The following WDR3 variants were observed in gnomAD, a reference collection of about 807,000 sequenced individuals.
The protein encoded by WDR3 is WD repeat domain 3, also known as WD repeat-containing protein 3.
In WDR3, 81 loss-of-function variants were observed where a neutral mutation model predicts 123.7. The ratio of observed to expected loss-of-function variants is 0.65; its 90% confidence interval spans 0.55 to 0.79. The LOEUF is 0.79. Ranked by LOEUF, WDR3 falls within the 30% of genes least tolerant of loss-of-function variation. WDR3 has a pLI of 0.00. For synonymous variants in WDR3, 390 were observed against 388.8 expected (o/e 1.00, Z -0.04); for missense variants, 1,027 against 1,123.2 (o/e 0.91, Z 1.22).
At chr1:117,940,751 A>AAACAACAAC (rs1553204403) in intron 6 of WDR3, 76 bp from the exon 7 acceptor site, 3 of 1,311,390 alleles carry the variant, frequency 2.3e-6, no homozygotes, top group African/African-American at 1.5e-5. Context: ...AACAACAACA[A>AAACAACAAC]AACAACAACA....
At chr1:117,948,012 T>C (rs1651471140) in intron 12 of WDR3, among the ~76,000 whole-genome samples, 1 of 152,212 alleles carries the variant, frequency 6.6e-6, no homozygotes. Flanking sequence ...CCAATAACTA[T>C]AGAGGATCAT....
intron 10 of WDR3, 51 bp downstream of exon 10, chr1:117,942,595 A>G: frequency 2.0e-6 from 3 of 1,523,086 alleles, no homozygotes; most frequent in Non-Finnish European, 1.8e-6. Context: ...GCTACCAAGT[A>G]TTATTGGCTT....
chr1:117,942,194 T>C (rs957326424), intron 9 of WDR3, among the ~76,000 whole-genome samples: 1 of 152,252 alleles, frequency 6.6e-6, no homozygotes, highest in African/African-American at 2.4e-5. Flanking sequence ...TTATGGGCTA[T>C]TGCATTCAGA....
Position 117,952,391 on chromosome 1 carries a change from C to T in WDR3, c.1999C>T (p.His667Tyr), listed in dbSNP as rs759123393. The T allele has an allele frequency of 1.9e-6, 3 of 1,612,378 alleles. No individual in the cohort carries two copies. In the South Asian group the frequency reaches 3.3e-5, roughly 18 times the overall value. The stretch of plus-strand genomic sequence containing the variant: ...ACAGTGGGATGCAGACAAATTTGAA[C>T]ACATACAGACTCTGGAGGTAACCAC... ...IKQWDADKFE[H>Y]IQTLEGHHQE... Residue 667 changes from histidine to tyrosine, a missense_variant, in exon 18 of 27, where the codon CAC becomes TAC. Coordinates refer to ENST00000349139, the MANE Select transcript of WDR3 (RefSeq NM_006784.3).
At chr1:117,950,552 C>G (rs1271089033) in intron 15 of WDR3, among the ~76,000 whole-genome samples, 1 of 151,938 alleles carries the variant, frequency 6.6e-6, no homozygotes, top group Non-Finnish European at 1.5e-5. Context: ...GAAACAAATG[C>G]CCTGGAATCT....
At chr1:117,959,237 T>C in intron 26 of WDR3, 55 bp from the exon 27 acceptor site, 1 of 1,578,520 alleles carries the variant, frequency 6.3e-7, no homozygotes, top group Non-Finnish European at 8.6e-7. Flanking sequence ...CATACGCTGC[T>C]ATAATGAATT....
At chr1:117,938,390 T>C (rs1051982859) in intron 4 of WDR3, 90 bp from the exon 5 acceptor site, 17 of 1,039,490 alleles carry the variant, frequency 1.6e-5, no homozygotes, top group Non-Finnish European at 2.3e-5. Flanking sequence ...ATATGTTCCT[T>C]TTAAAGCAAC....
At position 117,938,381 on chromosome 1, in the gene WDR3, T is replaced by C. The variant is rs763677209; in HGVS notation, c.501-99T>C. On this transcript the variant is annotated intron_variant, in intron 4 of 26. Coordinates refer to ENST00000349139, the MANE Select transcript of WDR3 (RefSeq NM_006784.3). ...CGGAGCTTTAGACATTATTGAAGCA[T>C]ATGTTCCTTTTAAAGCAACAGTGAG... is the stretch of plus-strand genomic sequence containing the variant. 9.1e-6 allele frequency: 8 copies of C among 880,644 alleles called. No individual in the cohort carries two copies. In the South Asian group the frequency reaches 1.3e-4, roughly 14 times the overall value. 54.6% of individuals were successfully genotyped at this position (880,644 alleles called of 1,614,324 possible).
At position 117,944,532 on chromosome 1, in the gene WDR3, T is replaced by C. The variant is rs186252463; in HGVS notation, c.1328+906T>C. Reference sequence around the variant, plus strand: ...TATACAAATACTTTGTGTCACCACTTGGATGTCTAATTAAGCATTTCAAAC... The same window carrying C: ...TATACAAATACTTTGTGTCACCACTCGGATGTCTAATTAAGCATTTCAAAC... On this transcript the variant is annotated intron_variant, in intron 11 of 26. Coordinates refer to ENST00000349139, the MANE Select transcript of WDR3 (RefSeq NM_006784.3). Among the ~76,000 whole-genome samples, 54 of 152,328 alleles carry C rather than the reference T, an allele frequency of 3.5e-4. 1 individual carries two copies. Among genetic ancestry groups the C allele is most frequent in the Admixed American group, 7.8e-4 (12 of 15,298 alleles).
At position 117,959,519 on chromosome 1, in the gene WDR3, T is replaced by G; in HGVS notation, c.*72T>G. 4 of 1,418,786 alleles carry G rather than the reference T, an allele frequency of 2.8e-6. No homozygotes were observed. Among genetic ancestry groups the G allele is most frequent in the African/African-American group, 1.5e-5 (1 of 68,532 alleles). 87.9% of individuals were successfully genotyped at this position (1,418,786 alleles called of 1,614,324 possible). ...GACTCCTAAACTAAGCACAGAAGAGTTGGCGTCATCTTAAAAATACCAAAT... is the reference window on the plus strand; with the variant it reads ...GACTCCTAAACTAAGCACAGAAGAGGTGGCGTCATCTTAAAAATACCAAAT... On this transcript the variant is annotated 3_prime_UTR_variant, in exon 27 of 27. Transcript: ENST00000349139.
chr1:117,945,747 G>A (rs1035121868), intron 11 of WDR3, among the ~76,000 whole-genome samples: 1 of 152,152 alleles, frequency 6.6e-6, no homozygotes, highest in Non-Finnish European at 1.5e-5. Context: ...AAAAAATGTA[G>A]GGATATGTAA....
At chr1:117,937,806 C>T (rs1482409382) in intron 4 of WDR3, among the ~76,000 whole-genome samples, 2 of 151,764 alleles carry the variant, frequency 1.3e-5, no homozygotes, top group Non-Finnish European at 2.9e-5. Flanking sequence ...CCATTGGCTG[C>T]GAGAGGTTAT....
In WDR3 at chr1:117,953,519, A is replaced by G. The variant is rs1324014656; in HGVS notation, c.2246A>G (p.Lys749Arg). 1.2e-6 allele frequency: 2 copies of G among 1,612,820 alleles called. No individual in the cohort carries two copies. The highest frequency in any genetic ancestry group is 1.7e-5 in the Admixed American group (1 of 59,938). The stretch of plus-strand genomic sequence containing the variant: ...GGTGACAGTTACTTTACTGGAAAGA[A>G]AACTATTGAAACAGTGAAAGCAGTA... ...TQGDSYFTGK[K>R]TIETVKAAER... The change falls in exon 21 of 27, where the codon AAA becomes AGA. Residue 749 changes from lysine to arginine, a missense_variant. Lys to Arg is a conservative substitution (Grantham distance 26, BLOSUM62 2). Coordinates refer to ENST00000349139, the MANE Select transcript of WDR3 (RefSeq NM_006784.3).
intron 13 of WDR3, 61 bp downstream of exon 13, chr1:117,948,567 AG>A (rs1415790452): frequency 6.1e-5 from 73 of 1,201,552 alleles, no homozygotes; most frequent in Non-Finnish European, 8.2e-5. Context: ...GATTTCTCTC[AG>A]GGTTTCTTTA....
In WDR3 at chr1:117,964,251, T is replaced by TC; in HGVS notation, c.*4804_*4805insC. 1 of 194,310 alleles carries TC rather than the reference T, an allele frequency of 5.1e-6. No individual in the cohort carries two copies. Among genetic ancestry groups the TC allele is most frequent in the African/African-American group, 2.3e-5 (1 of 43,184 alleles). 12.0% of individuals were successfully genotyped at this position (194,310 alleles called of 1,614,324 possible). A position where few individuals can be genotyped will look rare whatever the true frequency, so the allele number is the denominator to read the frequency against. ...AGATTTCATGCTTTTTTTTTTTTTT[T>TC]TTGGTGGGGAGAGGGACAGATCATT... On this transcript the variant is annotated 3_prime_UTR_variant, in exon 27 of 27. Transcript: ENST00000349139.
Position 117,942,315 on chromosome 1 carries a change from G to C in WDR3, c.990-122G>C, listed in dbSNP as rs908722186. The C allele has an allele frequency of 6.6e-6, 5 of 756,506 alleles. No homozygotes were observed. In the Admixed American group the frequency reaches 9.9e-5, roughly 15 times the overall value. 46.9% of individuals were successfully genotyped at this position (756,506 alleles called of 1,614,324 possible). A position where few individuals can be genotyped will look rare whatever the true frequency, so the allele number is the denominator to read the frequency against. ...TTAATTATCATGGTAATCCTGTGTG[G>C]TTAAGTGACTTTTCCAGAATAACAC... On this transcript the variant is annotated intron_variant, in intron 9 of 26. Transcript: ENST00000349139.
Position 117,933,340 on chromosome 1 carries a change from C to G in WDR3, c.21C>G (p.Tyr7Ter). Residue 7 changes from tyrosine to a stop codon, truncating the protein, a stop_gained, in exon 2 of 27, where the codon TAC (tyrosine) becomes TAG (stop). Transcript: ENST00000349139. LOFTEE classifies it high-confidence loss of function. ...ACAACATGGGGCTCACCAAGCAGTA[C>G]CTACGCTATGTTGCTAGTGCGGTCT... The part of the protein sequence containing the change: MGLTKQ[Y>*]LRYVASAVFG... The G allele has an allele frequency of 1.2e-6, 2 of 1,614,158 alleles. No homozygotes were observed. The highest frequency in any genetic ancestry group is 1.7e-6 in the Non-Finnish European group (2 of 1,180,002).
At chr1:117,941,258 A>G in intron 8 of WDR3, 33 bp downstream of exon 8, 1 of 1,597,992 alleles carries the variant, frequency 6.3e-7, no homozygotes, top group Non-Finnish European at 8.6e-7. Context: ...AATAACAAGG[A>G]CTAGGCTGTT....
At position 117,943,627 on chromosome 1, in the gene WDR3, G is replaced by C; in HGVS notation, c.1328+1G>C. 1 of 1,613,714 alleles carries C rather than the reference G, an allele frequency of 6.2e-7. No individual in the cohort carries two copies. Among genetic ancestry groups the C allele is most frequent in the Non-Finnish European group, 8.5e-7 (1 of 1,179,842 alleles). ...CTGATTCCATTAAAATATGGAACAG[G>C]TTCGTGAAATGATGTTTTATATAGC... On this transcript the variant is annotated splice_donor_variant, in intron 11 of 26. Coordinates refer to ENST00000349139, the MANE Select transcript of WDR3 (RefSeq NM_006784.3). LOFTEE classifies it high-confidence loss of function.
Sources: allele counts gnomAD v4.1 joint callset (sites outside exome capture counted in the v4.1 genomes callset), GRCh38; gene constraint gnomAD v4.1.1; transcripts MANE v1.5; gene names NCBI Gene and HGNC (gene_info 2026-07-23, HGNC 2026-07-21).